Variants in RASGRF1 observed in about 807,000 individuals in gnomAD.
The protein encoded by RASGRF1 is Ras protein specific guanine nucleotide releasing factor 1, also known as ras-specific guanine nucleotide-releasing factor 1.
RASGRF1 carries 40 observed loss-of-function variants against 138.7 expected under a neutral mutation model. The observed-to-expected ratio is 0.29, with a 90% confidence interval of 0.22 to 0.38. RASGRF1 has a LOEUF of 0.38. Ranked by LOEUF, RASGRF1 falls within the 10% of genes least tolerant of loss-of-function variation. The pLI is 1.00. For synonymous variants in RASGRF1, 614 were observed against 663.2 expected, an observed-to-expected ratio of 0.93 and a Z score of 1.14; for missense variants, 1,108 against 1,650.4, an observed-to-expected ratio of 0.67 and a Z score of 5.69.
intron 2 of RASGRF1, among the ~76,000 whole-genome samples, chr15:79,061,616 C>T (rs2057608914): frequency 6.6e-6 from 1 of 152,054 alleles, no homozygotes; most frequent in South Asian, 2.1e-4. Context: ...ATTCTGATTT[C>T]TATCACCACA....
chr15:78,998,056 AG>A, intron 19 of RASGRF1, 39 bp downstream of exon 19: 1 of 1,545,750 alleles, frequency 6.5e-7, no homozygotes, highest in South Asian at 1.1e-5. Flanking sequence ...CTCCTGTCCC[AG>A]CAGGCAGTTC....
chr15:79,069,889 C>G (rs2057731889), intron 1 of RASGRF1, among the ~76,000 whole-genome samples: 1 of 152,200 alleles, frequency 6.6e-6, no homozygotes, highest in Non-Finnish European at 1.5e-5. Flanking sequence ...ATCCCACAAC[C>G]TAGCTTTCAC....
At chr15:79,049,464 C>T in intron 4 of RASGRF1, 32 bp downstream of exon 4, 1 of 1,603,658 alleles carries the variant, frequency 6.2e-7, no homozygotes, top group East Asian at 2.2e-5. Flanking sequence ...GAGAGAGCTC[C>T]AAAGAAGGCC....
chr15:79,054,402 C>T (rs778169237), intron 3 of RASGRF1, among the ~76,000 whole-genome samples: 1 of 152,102 alleles, frequency 6.6e-6, no homozygotes, highest in African/African-American at 2.4e-5. Context: ...CAGCCTGTGT[C>T]GTGGGTTGTA....
intron 14 of RASGRF1, chr15:79,005,614 G>A (rs2056653579): frequency 1.0e-6 from 1 of 986,916 alleles, no homozygotes; most frequent in South Asian, 4.7e-5. Flanking sequence ...AAAGGCTAAG[G>A]TGGCCTGCAC....
intron 16 of RASGRF1, among the ~76,000 whole-genome samples, chr15:79,000,796 T>G (rs2056504668): frequency 6.6e-6 from 1 of 152,236 alleles, no homozygotes; most frequent in Non-Finnish European, 1.5e-5. Flanking sequence ...GCTCTGTTTC[T>G]GTGTGTCTGA....
rs1453607013 is a variant in RASGRF1, at chr15:78,973,247, T to C, written c.3612+56A>G. On this transcript the variant is annotated intron_variant, in intron 25 of 26. Transcript: ENST00000558480. This position sits in a 1 kb window ranked among gnomAD's most constrained non-coding sequence, Gnocchi z 4.9. ...GGGCAGAGTGTGGGTGGGCCCCAGGTTGAGTCATCTGGGCTTCAACGCCCC... is the reference window on the plus strand; with the variant it reads ...GGGCAGAGTGTGGGTGGGCCCCAGGCTGAGTCATCTGGGCTTCAACGCCCC... 1 of 1,409,412 alleles carries C rather than the reference T, an allele frequency of 7.1e-7. No individual in the cohort carries two copies. Among genetic ancestry groups the C allele is most frequent in the Non-Finnish European group, 9.8e-7 (1 of 1,016,854 alleles). The allele number at this position is 1,409,412 out of a possible 1,614,324, so 87.3% of individuals were successfully genotyped here. A position where few individuals can be genotyped will look rare whatever the true frequency, so the allele number is the denominator to read the frequency against.
chr15:78,966,225 ATTTTTT>A (rs3063545), intron 26 of RASGRF1, among the ~76,000 whole-genome samples: 3 of 110,724 alleles, frequency 2.7e-5, no homozygotes, highest in East Asian at 5.0e-4. Flanking sequence ...GAGGACTTAA[ATTTTTT>A]TTTTTTTTTT....
At chr15:79,040,605 C>G (rs981910858) in intron 5 of RASGRF1, among the ~76,000 whole-genome samples, 1 of 152,056 alleles carries the variant, frequency 6.6e-6, no homozygotes, top group African/African-American at 2.4e-5. Context: ...CTCACCACCC[C>G]CTTTGTTCAC....
At chr15:78,971,039 G>A (rs955792135) in intron 26 of RASGRF1, among the ~76,000 whole-genome samples, 6 of 150,070 alleles carry the variant, frequency 4.0e-5, no homozygotes, top group Non-Finnish European at 9.0e-5. Context: ...GGTGGTGGAG[G>A]GGGTCACTGT....
chr15:78,994,557 G>A (rs11852922), intron 20 of RASGRF1, among the ~76,000 whole-genome samples: 36,495 of 152,198 alleles, frequency 0.24, 4,505 homozygotes, highest in Non-Finnish European at 0.25. Context: ...CCCAGCCGCT[G>A]TGATGCAGGG....
At position 78,995,286 on chromosome 15, in the gene RASGRF1, CTTTCTT is replaced by C. The variant is rs1200634057; in HGVS notation, c.3027+448_3027+453del. Among the ~76,000 whole-genome samples, 9 of 66,846 alleles carry C rather than the reference CTTTCTT, an allele frequency of 1.3e-4. No homozygotes were observed. The Admixed American group carries it at 1.8e-3, about 13-fold the overall frequency. The allele number at this position is 66,846 out of a possible 152,430, so 43.9% of individuals were successfully genotyped here. ...CTATGAGAGAATACATTTCTTTTTT[CTTTCTT>C]TTTTTTTTTTTTTGAGATGGAGTCT... On this transcript the variant is annotated intron_variant, in intron 20 of 26. Transcript: ENST00000558480.
At chr15:79,025,289 C>G in intron 10 of RASGRF1, 25 bp downstream of exon 10, 1 of 1,569,526 alleles carries the variant, frequency 6.4e-7, no homozygotes, top group Non-Finnish European at 8.7e-7. Flanking sequence ...GGGCAGCCCC[C>G]AAGCCCCTCT....
At chr15:79,011,072 A>G (rs1175010132) in intron 13 of RASGRF1, among the ~76,000 whole-genome samples, 4 of 151,716 alleles carry the variant, frequency 2.6e-5, no homozygotes, top group Non-Finnish European at 4.4e-5. Flanking sequence ...CCCACCTATC[A>G]CCCCTGCACC....
At chr15:79,023,031 G>A (rs1161231000) in intron 10 of RASGRF1, among the ~76,000 whole-genome samples, 5 of 152,088 alleles carry the variant, frequency 3.3e-5, no homozygotes, top group Admixed American at 2.6e-4. Flanking sequence ...AAAATTAGCC[G>A]GGCATGGTGG....
At chr15:79,007,529 C>A (rs568606966) in intron 13 of RASGRF1, among the ~76,000 whole-genome samples, 1 of 135,624 alleles carries the variant, frequency 7.4e-6, no homozygotes, top group Admixed American at 7.6e-5. Flanking sequence ...TACTTACATG[C>A]TGATGGCCGT....
intron 26 of RASGRF1, among the ~76,000 whole-genome samples, chr15:78,968,540 C>A (rs2055690248): frequency 6.6e-6 from 1 of 152,088 alleles, no homozygotes; most frequent in African/African-American, 2.4e-5. Flanking sequence ...ACCTCAGTCT[C>A]CTGAAGTGCT....
At chr15:79,040,638 C>T (rs952503597) in intron 5 of RASGRF1, among the ~76,000 whole-genome samples, 3 of 119,858 alleles carry the variant, frequency 2.5e-5, no homozygotes, top group South Asian at 3.0e-4. Flanking sequence ...CTTATCAGAG[C>T]GAGAGCGAGA....
intron 26 of RASGRF1, among the ~76,000 whole-genome samples, chr15:78,968,250 A>ATGTGTGTGTGTCTGTGTGTG (rs1555449273): frequency 2.2e-5 from 3 of 134,330 alleles, no homozygotes; most frequent in South Asian, 4.9e-4. Context: ...CATGACACTG[A>ATGTGTGTGTGTCTGTGTGTG]TGTGTGTGTG....
Sources: allele counts gnomAD v4.1 joint callset (sites outside exome capture counted in the v4.1 genomes callset), GRCh38; gene constraint gnomAD v4.1.1; non-coding constraint Gnocchi (gnomAD v3.1); transcripts MANE v1.5; gene names NCBI Gene and HGNC (gene_info 2026-07-23, HGNC 2026-07-21).